Variants in ATXN2 observed in about 807,000 individuals in gnomAD.
The protein encoded by ATXN2 is ataxin 2, also known as ataxin-2.
ATXN2 carries 37 observed loss-of-function variants against 138.6 expected under a neutral mutation model. The ratio of observed to expected loss-of-function variants is 0.27; its 90% CI spans 0.21 to 0.35. The LOEUF is 0.35. Among genes scored for constraint, ATXN2 ranks in the 10% least tolerant of loss-of-function variants. The pLI is 1.00. For missense variants in ATXN2, 1,216 were observed against 1,480.3 expected (o/e 0.82, Z 2.93); for synonymous variants, 549 against 543.7 (o/e 1.01, Z -0.13).
chr12:111,469,803 C>T, intron 20 of ATXN2: 1 of 387,956 alleles, frequency 2.6e-6, no homozygotes, highest in Non-Finnish European at 4.5e-6. Flanking sequence ...CAGGATATAC[C>T]AAAGCATAAT....
At chr12:111,581,054 T>G (rs1883970915) in intron 1 of ATXN2, among the ~76,000 whole-genome samples, 1 of 148,218 alleles carries the variant, frequency 6.7e-6, no homozygotes, top group South Asian at 2.1e-4. Flanking sequence ...AGGAATAGCT[T>G]GAACCCAGGA....
intron 22 of ATXN2, among the ~76,000 whole-genome samples, chr12:111,456,809 G>A (rs1875137251): frequency 6.6e-6 from 1 of 151,808 alleles, no homozygotes; most frequent in Non-Finnish European, 1.5e-5. Context: ...GTGCAGTGGC[G>A]CGATCTCTGC....
At chr12:111,482,513 T>C (rs1316289123) in intron 18 of ATXN2, among the ~76,000 whole-genome samples, 2 of 152,068 alleles carry the variant, frequency 1.3e-5, no homozygotes, top group Non-Finnish European at 2.9e-5. Context: ...TCATTTCTAT[T>C]AAAAAGACAG....
At chr12:111,507,548 GCC>G (rs1161315623) in intron 14 of ATXN2, among the ~76,000 whole-genome samples, 1 of 149,858 alleles carries the variant, frequency 6.7e-6, no homozygotes, top group East Asian at 2.0e-4. Context: ...TGGGGGGTCA[GCC>G]CCCGCCCAGC....
chr12:111,595,459 T>G (rs1884887017), intron 1 of ATXN2, among the ~76,000 whole-genome samples: 1 of 151,226 alleles, frequency 6.6e-6, no homozygotes. Context: ...CTGGCCAACA[T>G]GGTGAAACCT....
intron 18 of ATXN2, among the ~76,000 whole-genome samples, chr12:111,476,216 G>C (rs1876806884): frequency 6.6e-6 from 1 of 152,180 alleles, no homozygotes; most frequent in Non-Finnish European, 1.5e-5. Context: ...GCCTCCCAAA[G>C]CTCTGAGGTT....
In ATXN2 at chr12:111,552,344, C is replaced by T; in HGVS notation, c.507G>A (p.Leu169=). The change falls in exon 5 of 25, where the codon TTG becomes TTA. Residue 169 remains leucine, a synonymous_variant. Coordinates refer to ENST00000673436, the MANE Select transcript of ATXN2 (RefSeq NM_001372574.1). The surrounding 1 kb of genome is among the most constrained non-coding windows in gnomAD (Gnocchi z 4.1). ...PKREEIMESI[L]FKCSDFVVVQ... ...CCACAACAAAGTCTGAACATTTGAACAAAATACTCTCCATTATTTCTTCAC... is the reference window on the plus strand; with the variant it reads ...CCACAACAAAGTCTGAACATTTGAATAAAATACTCTCCATTATTTCTTCAC... 3 of 1,613,610 alleles carry T rather than the reference C, an allele frequency of 1.9e-6. No homozygotes were observed. The South Asian group carries it at 3.3e-5, about 18-fold the overall frequency.
intron 2 of ATXN2, 96 bp downstream of exon 2, chr12:111,555,787 A>G (rs907850926): frequency 9.4e-7 from 1 of 1,068,892 alleles, no homozygotes; most frequent in Non-Finnish European, 1.4e-6. Context: ...ACAAAATTCA[A>G]AAGAAGGGAA....
At chr12:111,594,285 C>T (rs970215180) in intron 1 of ATXN2, among the ~76,000 whole-genome samples, 4 of 152,074 alleles carry the variant, frequency 2.6e-5, no homozygotes, top group African/African-American at 7.2e-5. Context: ...AAAAGATGAA[C>T]AGTCTCACTG....
intron 14 of ATXN2, 121 bp from the exon 15 acceptor site, chr12:111,488,901 T>A: frequency 3.5e-6 from 3 of 857,336 alleles, no homozygotes; most frequent in Non-Finnish European, 5.2e-6. Context: ...AAGGCTTTTT[T>A]CATACTTTAA....
At position 111,598,455 on chromosome 12, in the gene ATXN2, AG is replaced by A. The variant is rs1442676658; in HGVS notation, c.251+328del. Reference sequence around the variant, plus strand: ...CGCTGCGGGCGGAGGATCGTGCGGAAGGGGGAGCCGGGGCTGACCATCGCCG... The same window carrying A: ...CGCTGCGGGCGGAGGATCGTGCGGAAGGGGAGCCGGGGCTGACCATCGCCG... On this transcript the variant is annotated intron_variant, in intron 1 of 24. Coordinates refer to ENST00000673436, the MANE Select transcript of ATXN2 (RefSeq NM_001372574.1). The surrounding 1 kb of genome is among the most constrained non-coding windows in gnomAD (Gnocchi z 4.5). The A allele has an allele frequency of 2.4e-5, 24 of 985,244 alleles. No homozygotes were observed. Among genetic ancestry groups the A allele is most frequent in the Non-Finnish European group, 2.8e-5 (23 of 830,068 alleles). The allele number at this position is 985,244 out of a possible 1,614,324, so 61.0% of individuals were successfully genotyped here. A position where few individuals can be genotyped will look rare whatever the true frequency, so the allele number is the denominator to read the frequency against.
At chr12:111,564,571 T>G (rs564202543) in intron 1 of ATXN2, among the ~76,000 whole-genome samples, 4 of 151,718 alleles carry the variant, frequency 2.6e-5, no homozygotes, top group Non-Finnish European at 2.9e-5. Context: ...CATAAAAAGT[T>G]TGCCCATCCT....
chr12:111,456,280 G>C, intron 22 of ATXN2, 24 bp from the exon 23 acceptor site: 1 of 1,612,292 alleles, frequency 6.2e-7, no homozygotes, highest in Non-Finnish European at 8.5e-7. Context: ...GGAAAGAATT[G>C]AGAGGAAAAC....
intron 18 of ATXN2, among the ~76,000 whole-genome samples, chr12:111,473,269 G>T (rs1237229357): frequency 6.9e-6 from 1 of 144,738 alleles, no homozygotes; most frequent in African/African-American, 2.6e-5. Flanking sequence ...GCCAGACCTT[G>T]TCTCCAAAAA....
At chr12:111,530,838 T>C (rs1880782956) in intron 5 of ATXN2, among the ~76,000 whole-genome samples, 1 of 150,886 alleles carries the variant, frequency 6.6e-6, no homozygotes, top group Non-Finnish European at 1.5e-5. Flanking sequence ...CAAAAAAATG[T>C]GTATAGGCGG....
intron 1 of ATXN2, among the ~76,000 whole-genome samples, chr12:111,580,007 A>C (rs1232771571): frequency 1.3e-5 from 2 of 151,924 alleles, no homozygotes; most frequent in Non-Finnish European, 2.9e-5. Flanking sequence ...GCCAGAGATA[A>C]GGTCTTGCTG....
At chr12:111,474,971 T>TG in intron 18 of ATXN2, among the ~76,000 whole-genome samples, 1 of 152,156 alleles carries the variant, frequency 6.6e-6, no homozygotes, top group Non-Finnish European at 1.5e-5. Context: ...CCCAGCACTT[T>TG]GGGAGGCCGA....
At chr12:111,564,644 G>A (rs1387368605) in intron 1 of ATXN2, among the ~76,000 whole-genome samples, 1 of 151,984 alleles carries the variant, frequency 6.6e-6, no homozygotes, top group Non-Finnish European at 1.5e-5. Flanking sequence ...ATCAAGCAGA[G>A]CCAGGTGCAG....
intron 14 of ATXN2, among the ~76,000 whole-genome samples, chr12:111,491,600 A>G (rs1256493611): frequency 1.3e-5 from 2 of 152,218 alleles, no homozygotes; most frequent in Non-Finnish European, 2.9e-5. Context: ...TGAAGCCTCA[A>G]TTCTAGGCCA....
Sources: gnomAD v4.1 joint callset for allele counts (sites outside exome capture counted in the v4.1 genomes callset) on GRCh38, gnomAD v4.1.1 for gene constraint, Gnocchi (gnomAD v3.1) non-coding constraint, MANE v1.5 for transcripts, NCBI Gene and HGNC (gene_info 2026-07-23, HGNC 2026-07-21) for gene names.